ZNF577: variants seen among roughly 807,000 people sequenced by gnomAD.
ZNF577 encodes zinc finger protein 577.
In ZNF577, 14 loss-of-function variants were observed where a neutral mutation model predicts 13.9. The ratio of observed to expected loss-of-function variants is 1.00; its 90% CI spans 0.66 to 1.57. ZNF577 has a LOEUF of 1.57. Among genes scored for constraint, ZNF577 ranks in the 40% most tolerant of loss-of-function variants. The probability of loss-of-function intolerance (pLI) is 0.00; values close to 1 mark genes in which losing one functional copy is unlikely to be tolerated. For synonymous variants in ZNF577, 203 were observed against 202.9 expected, an observed-to-expected ratio of 1.00 and a Z score of 0.00; for missense variants, 555 against 579.2, an observed-to-expected ratio of 0.96 and a Z score of 0.43.
At chr19:51,844,171 G>A (rs1263755429) in intron 6 of ZNF577, among the ~76,000 whole-genome samples, 2 of 149,590 alleles carry the variant, frequency 1.3e-5, no homozygotes, top group Non-Finnish European at 3.0e-5. Flanking sequence ...TATGTGCTAT[G>A]TATCATTCTA....
chr19:51,838,960 T>C (rs2122536298), intron 9 of ZNF577, among the ~76,000 whole-genome samples: 1 of 152,256 alleles, frequency 6.6e-6, no homozygotes, highest in South Asian at 2.1e-4. Context: ...AAAAGTTAAT[T>C]AGATAATTAA....
At chr19:51,879,691 A>T (rs1382037471) in intron 3 of ZNF577, among the ~76,000 whole-genome samples, 2 of 152,178 alleles carry the variant, frequency 1.3e-5, no homozygotes, top group African/African-American at 4.8e-5. Flanking sequence ...GGGAGGAACT[A>T]GATAGAGACC....
chr19:51,811,878 T>A (rs1254812143), intron 9 of ZNF577, among the ~76,000 whole-genome samples: 1 of 152,186 alleles, frequency 6.6e-6, no homozygotes, highest in African/African-American at 2.4e-5. Context: ...TGCTGTTTGA[T>A]CATATAGCCT....
chr19:51,834,999 C>A (rs561093731), intron 9 of ZNF577, among the ~76,000 whole-genome samples: 12 of 151,684 alleles, frequency 7.9e-5, no homozygotes, highest in Admixed American at 7.2e-4. Context: ...TGTGTGAACT[C>A]AATGATCTAA....
At chr19:51,854,516 T>C (rs981710510) in intron 5 of ZNF577, among the ~76,000 whole-genome samples, 1 of 149,456 alleles carries the variant, frequency 6.7e-6, no homozygotes, top group African/African-American at 2.5e-5. Flanking sequence ...TTTTTTTTTT[T>C]AGAGATGGGG....
chr19:51,885,250 T>C (rs1162730058), intron 1 of ZNF577, among the ~76,000 whole-genome samples: 1 of 152,216 alleles, frequency 6.6e-6, no homozygotes, highest in Non-Finnish European at 1.5e-5. Flanking sequence ...GTACAGCTAC[T>C]TTCATTCTAT....
At chr19:51,805,300 C>T (rs1398908882) in intron 10 of ZNF577, 1 of 152,218 alleles carries the variant, frequency 6.6e-6, no homozygotes, top group Non-Finnish European at 1.5e-5. Context: ...CCAAGAACTA[C>T]ATATAAGATG....
chr19:51,873,503 A>C lies in ZNF577; in HGVS notation c.487T>G (p.Cys163Gly), dbSNP rs748364666. Residue 163 changes from cysteine (C) to glycine (G), a missense_variant, in exon 6 of 6, where the codon TGC becomes GGC. Coordinates refer to ENST00000638348, the MANE Select transcript of ZNF577 (RefSeq NM_001370449.1). ...GCTTTCCTGGAGAAGGCTCTCCCGC[A>C]CACACTGCATTCATGTGGTTTCCCT... ...AGGKPHECSV[C>G]GRAFSRKAQL... The C allele has an allele frequency of 3.7e-6, 6 of 1,614,186 alleles. 1 individual carries two copies. Among genetic ancestry groups the C allele is most frequent in the Middle Eastern group, 1.6e-4 (1 of 6,062 alleles).
intron 9 of ZNF577, among the ~76,000 whole-genome samples, chr19:51,814,785 A>G (rs981543741): frequency 1.4e-5 from 2 of 143,752 alleles, no homozygotes; most frequent in Non-Finnish European, 3.0e-5. Context: ...GAGCCACTGC[A>G]CTCGGCCTAA....
chr19:51,805,263 A>C (rs1217030332), intron 10 of ZNF577: 3 of 152,230 alleles, frequency 2.0e-5, no homozygotes, highest in African/African-American at 7.2e-5. Flanking sequence ...GACTATAAAC[A>C]GAAGACAGAG....
Position 51,878,474 on chromosome 19 carries a change from C to T in ZNF577, c.102G>A (p.Arg34=), listed in dbSNP as rs201241581. The change falls in exon 4 of 6, where the codon AGG becomes AGA. Residue 34 remains arginine (R), a synonymous_variant. Coordinates refer to ENST00000638348, the MANE Select transcript of ZNF577 (RefSeq NM_001370449.1). ...ACTGGTCCAAAAACTGCCACTCCTC[C>T]CTGGTGAAGCCCACAGCCACATCTT... ...SFEDVAVGFT[R]EEWQFLDQSQ... The T allele has an allele frequency of 1.9e-6, 3 of 1,614,116 alleles. No individual in the cohort carries two copies. Among genetic ancestry groups the T allele is most frequent in the Non-Finnish European group, 2.5e-6 (3 of 1,179,992 alleles).
intron 9 of ZNF577, chr19:51,826,017 T>A (rs1416742801): frequency 6.0e-6 from 1 of 166,146 alleles, no homozygotes; most frequent in Admixed American, 6.5e-5. Context: ...TGTTAAGAGT[T>A]TTCTTTTATT....
chr19:51,836,911 G>T (rs2084290238), intron 9 of ZNF577, among the ~76,000 whole-genome samples: 1 of 151,912 alleles, frequency 6.6e-6, no homozygotes, highest in Non-Finnish European at 1.5e-5. Flanking sequence ...GGGCATGGTG[G>T]CACGCACCTG....
intron 5 of ZNF577, among the ~76,000 whole-genome samples, chr19:51,846,283 C>T (rs1250702973): frequency 6.6e-6 from 1 of 152,138 alleles, no homozygotes; most frequent in African/African-American, 2.4e-5. Flanking sequence ...AAAAGGTATA[C>T]ATTTGCATAA....
chr19:51,858,317 G>A (rs2084459944), intron 5 of ZNF577, among the ~76,000 whole-genome samples: 1 of 152,168 alleles, frequency 6.6e-6, no homozygotes, highest in Non-Finnish European at 1.5e-5. Flanking sequence ...ATAAACTGCT[G>A]TCAATTTCAT....
intron 1 of ZNF577, among the ~76,000 whole-genome samples, chr19:51,883,615 GA>G (rs112318013): frequency 5.0e-4 from 75 of 149,298 alleles, no homozygotes; most frequent in African/African-American, 1.7e-3. Flanking sequence ...AAAAAACAAA[GA>G]AAAAAAAAGG....
At chr19:51,884,952 T>G (rs2084920303) in intron 1 of ZNF577, among the ~76,000 whole-genome samples, 1 of 152,252 alleles carries the variant, frequency 6.6e-6, no homozygotes, top group Non-Finnish European at 1.5e-5. Context: ...CATTTTGATA[T>G]TGATTTATAG....
downstream of ZNF577, among the ~76,000 whole-genome samples, chr19:51,865,152 A>C (rs1029333547): frequency 1.3e-5 from 2 of 152,088 alleles, no homozygotes; most frequent in African/African-American, 4.8e-5. Flanking sequence ...GCTGGAGTGC[A>C]ATGGCGCAAT....
chr19:51,869,381 T>G lies in ZNF577; in HGVS notation c.*3151A>C, dbSNP rs560075449. Among the ~76,000 whole-genome samples, 17 of 152,298 alleles carry G rather than the reference T, an allele frequency of 1.1e-4. No individual in the cohort carries two copies. The South Asian group carries it at 3.5e-3, about 32-fold the overall frequency. ...AACATAAATCTGGCCTATGTGCACA[T>G]CGAGGCACAGCACCTTTCCTTAAAC... On this transcript the variant is annotated 3_prime_UTR_variant, in exon 6 of 6. Coordinates refer to ENST00000638348, the MANE Select transcript of ZNF577 (RefSeq NM_001370449.1).
Sources: allele counts gnomAD v4.1 joint callset (sites outside exome capture counted in the v4.1 genomes callset), GRCh38; gene constraint gnomAD v4.1.1; transcripts MANE v1.5; gene names NCBI Gene and HGNC (gene_info 2026-07-23, HGNC 2026-07-21).